Variants in RNF180 observed in about 807,000 individuals in gnomAD.
RNF180 encodes ring finger protein 180, also known as E3 ubiquitin-protein ligase RNF180.
RNF180 carries 38 observed loss-of-function variants against 59.2 expected under a neutral mutation model. The ratio of observed to expected loss-of-function variants is 0.64; its 90% CI spans 0.50 to 0.84. The LOEUF (loss-of-function observed/expected upper bound fraction) is 0.84. Among genes scored for constraint, RNF180 ranks in the 40% least tolerant of loss-of-function variants. The pLI, the probability that RNF180 is intolerant of heterozygous loss-of-function variation, is 0.00. For missense variants in RNF180, 705 were observed against 700.9 expected, an observed-to-expected ratio of 1.01 and a Z score of -0.07; for synonymous variants, 262 against 240.3, an observed-to-expected ratio of 1.09 and a Z score of -0.84.
At chr5:64,217,196 C>A (rs180704465) in intron 4 of RNF180, among the ~76,000 whole-genome samples, 165 bp from the exon 5 acceptor site, 1 of 152,016 alleles carries the variant, frequency 6.6e-6, no homozygotes, top group East Asian at 1.9e-4. Flanking sequence ...ATAGTTTGTT[C>A]TTTTTTATTG....
intron 7 of RNF180, among the ~76,000 whole-genome samples, chr5:64,368,858 G>T (rs578101039): frequency 2.4e-4 from 36 of 152,124 alleles, no homozygotes; most frequent in Middle Eastern, 3.4e-3. Context: ...TTACACTGTT[G>T]GTGGGACTGT....
chr5:64,297,900 C>A (rs1320728332), intron 5 of RNF180, among the ~76,000 whole-genome samples: 1 of 151,884 alleles, frequency 6.6e-6, no homozygotes, highest in Non-Finnish European at 1.5e-5. Flanking sequence ...AGGATATTTT[C>A]TCTTTTTAAC....
intron 5 of RNF180, among the ~76,000 whole-genome samples, chr5:64,296,757 G>A (rs1337315402): frequency 6.6e-6 from 1 of 152,134 alleles, no homozygotes; most frequent in Non-Finnish European, 1.5e-5. Context: ...CCTGTCCCAG[G>A]CTTTGGAGGG....
chr5:64,178,882 T>C (rs1159655146), intron 1 of RNF180, among the ~76,000 whole-genome samples: 1 of 152,186 alleles, frequency 6.6e-6, no homozygotes, highest in Non-Finnish European at 1.5e-5. Flanking sequence ...TCTTATTGTG[T>C]ATATGGTCCT....
At chr5:64,212,821 T>C (rs1416321548) in intron 3 of RNF180, among the ~76,000 whole-genome samples, 6 of 152,216 alleles carry the variant, frequency 3.9e-5, no homozygotes. Context: ...ACTTTGGAAA[T>C]ATATAATTAC....
intron 5 of RNF180, among the ~76,000 whole-genome samples, chr5:64,256,377 A>G (rs1232922810): frequency 6.6e-6 from 1 of 152,184 alleles, no homozygotes; most frequent in African/African-American, 2.4e-5. Context: ...GAATTTTTGT[A>G]TAAGGTGTAA....
rs201232368 is a variant in RNF180, at chr5:64,214,473, C to G, written c.1147C>G (p.Leu383Val). The G allele has an allele frequency of 6.2e-7, 1 of 1,613,754 alleles. No individual in the cohort carries two copies. The highest frequency in any genetic ancestry group is 2.2e-5 in the East Asian group (1 of 44,880). ...GAGAGAAAGGAGCAAGTTGAAGAAT[C>G]TAAGAAGGAAACAACGAAGGCGTGA... ...NKRERSKLKN[L>V]RRKQRRRERW... Residue 383 changes from leucine to valine, a missense_variant, in exon 4 of 8, where the codon CTA becomes GTA. Physicochemically the swap from Leu to Val is conservative, Grantham distance 32. Transcript: ENST00000389100.
At chr5:64,199,895 T>C (rs1706915680) in intron 1 of RNF180, among the ~76,000 whole-genome samples, 1 of 152,218 alleles carries the variant, frequency 6.6e-6, no homozygotes, top group African/African-American at 2.4e-5. Context: ...TTGGTGGGGC[T>C]GTTCTCTGAG....
At chr5:64,220,094 G>C (rs933825444) in intron 5 of RNF180, among the ~76,000 whole-genome samples, 1 of 151,988 alleles carries the variant, frequency 6.6e-6, no homozygotes, top group Non-Finnish European at 1.5e-5. Flanking sequence ...TTTCAATCCT[G>C]ATAATGATGG....
chr5:64,251,195 C>T (rs898779974), intron 5 of RNF180, among the ~76,000 whole-genome samples: 1 of 152,096 alleles, frequency 6.6e-6, no homozygotes. Context: ...GAATTTATCT[C>T]AACACAACAC....
chr5:64,235,120 A>G (rs1023393034), intron 5 of RNF180, among the ~76,000 whole-genome samples: 1 of 152,084 alleles, frequency 6.6e-6, no homozygotes, highest in Non-Finnish European at 1.5e-5. Flanking sequence ...CTACAAAAAA[A>G]CAAAAATAAA....
chr5:64,338,797 TG>T (rs915459582), intron 7 of RNF180, among the ~76,000 whole-genome samples: 19 of 152,096 alleles, frequency 1.2e-4, no homozygotes, highest in African/African-American at 4.3e-4. Context: ...ATTTTGTGGA[TG>T]TTTTTTCAGC....
At chr5:64,173,349 A>G (rs1750045736) in intron 1 of RNF180, among the ~76,000 whole-genome samples, 1 of 152,104 alleles carries the variant, frequency 6.6e-6, no homozygotes, top group Non-Finnish European at 1.5e-5. Context: ...TTTATAATTG[A>G]CACATTTTTG....
chr5:64,257,859 G>A (rs1307564034), intron 5 of RNF180, among the ~76,000 whole-genome samples: 1 of 152,112 alleles, frequency 6.6e-6, no homozygotes, highest in Non-Finnish European at 1.5e-5. Context: ...AGGATATACA[G>A]GAATTGAACT....
At chr5:64,347,496 T>C (rs1009457260) in intron 7 of RNF180, among the ~76,000 whole-genome samples, 17 of 152,128 alleles carry the variant, frequency 1.1e-4, no homozygotes, top group Non-Finnish European at 2.2e-4. Context: ...AGCTTAAAAG[T>C]GTCAGACCTT....
At chr5:64,332,413 A>G (rs2112542230) in intron 7 of RNF180, among the ~76,000 whole-genome samples, 1 of 152,304 alleles carries the variant, frequency 6.6e-6, no homozygotes, top group South Asian at 2.1e-4. Flanking sequence ...GGTGTCTTAG[A>G]GATGTGCAGT....
intron 1 of RNF180, among the ~76,000 whole-genome samples, chr5:64,177,640 G>C (rs573182017): frequency 3.2e-4 from 47 of 148,268 alleles, no homozygotes; most frequent in Non-Finnish European, 4.4e-4. Flanking sequence ...AGCTTATAAG[G>C]TTAGATCTAC....
intron 5 of RNF180, among the ~76,000 whole-genome samples, chr5:64,316,404 AG>A (rs1744045790): frequency 6.6e-6 from 1 of 152,244 alleles, no homozygotes; most frequent in African/African-American, 2.4e-5. Context: ...AAGATACTGC[AG>A]AAAGTGAGAT....
intron 1 of RNF180, among the ~76,000 whole-genome samples, chr5:64,174,570 G>T (rs545491674): frequency 6.6e-6 from 1 of 151,846 alleles, no homozygotes; most frequent in African/African-American, 2.4e-5. Flanking sequence ...GTTAGTGATC[G>T]TTGAGCATTT....
Sources: allele counts gnomAD v4.1 joint callset (sites outside exome capture counted in the v4.1 genomes callset), GRCh38; gene constraint gnomAD v4.1.1; transcripts MANE v1.5; gene names NCBI Gene and HGNC (gene_info 2026-07-23, HGNC 2026-07-21).